Variants in GRID1 observed in about 807,000 individuals in gnomAD.
GRID1 encodes the protein glutamate ionotropic receptor delta type subunit 1.
A neutral mutation model predicts 98.0 loss-of-function variants in GRID1; 28 were observed. The ratio of observed to expected loss-of-function variants is 0.29; its 90% CI spans 0.21 to 0.39. The LOEUF (loss-of-function observed/expected upper bound fraction) is 0.39, where lower values mean the gene tolerates loss of function less well. Ranked by LOEUF, GRID1 falls within the 10% of genes least tolerant of loss-of-function variation. GRID1 has a pLI of 1.00. For synonymous variants in GRID1, 553 were observed against 538.5 expected (o/e 1.03, Z -0.37); for missense variants, 1,111 against 1,340.5 (o/e 0.83, Z 2.67).
chr10:85,927,891 A>G (rs1351082946), intron 4 of GRID1, among the ~76,000 whole-genome samples: 1 of 152,214 alleles, frequency 6.6e-6, no homozygotes, highest in African/African-American at 2.4e-5. Context: ...AAAAGTAGTT[A>G]CAATAGTCCA....
At chr10:85,696,488 A>G (rs1324002820) in intron 12 of GRID1, among the ~76,000 whole-genome samples, 1 of 152,146 alleles carries the variant, frequency 6.6e-6, no homozygotes, top group Admixed American at 6.6e-5. Context: ...CAAGGAGCAT[A>G]CAGAAGCTAC....
intron 12 of GRID1, among the ~76,000 whole-genome samples, chr10:85,696,990 G>A (rs1220844789): frequency 6.6e-6 from 1 of 151,898 alleles, no homozygotes; most frequent in African/African-American, 2.4e-5. Context: ...GATAGAACAT[G>A]TTATGTATGA....
At chr10:86,351,752 AC>A (rs1326112877) in intron 2 of GRID1, among the ~76,000 whole-genome samples, 1 of 152,190 alleles carries the variant, frequency 6.6e-6, no homozygotes, top group African/African-American at 2.4e-5. Flanking sequence ...AGCATCCAGA[AC>A]AAGCAGTGAC....
chr10:86,245,986 T>C (rs928969661), intron 2 of GRID1, among the ~76,000 whole-genome samples: 1 of 152,122 alleles, frequency 6.6e-6, no homozygotes, highest in Non-Finnish European at 1.5e-5. Context: ...CCCACCATGA[T>C]CCATACAAAA....
In GRID1 at chr10:86,350,233, T is replaced by G. The variant is rs573400426; in HGVS notation, c.235+13708A>C. On this transcript the variant is annotated intron_variant, in intron 2 of 15. Coordinates refer to ENST00000327946, the MANE Select transcript of GRID1 (RefSeq NM_017551.3). ...AGCTTTTGTCGGGGTCCTTGGGGAC[T>G]TGCAGCCCTGGCAAGGGGTCTGGAT... Among the ~76,000 whole-genome samples, 9 of 152,350 alleles carry G rather than the reference T, an allele frequency of 5.9e-5. No individual in the cohort carries two copies. The East Asian group carries it at 1.7e-3, about 29-fold the overall frequency.
At chr10:86,077,494 CT>C (rs1843899556) in intron 4 of GRID1, among the ~76,000 whole-genome samples, 1 of 152,202 alleles carries the variant, frequency 6.6e-6, no homozygotes, top group African/African-American at 2.4e-5. Context: ...TCGGTCCCAC[CT>C]AAACCTAGTG....
intron 2 of GRID1, among the ~76,000 whole-genome samples, chr10:86,227,388 G>A (rs1014529900): frequency 3.9e-5 from 6 of 152,152 alleles, no homozygotes; most frequent in African/African-American, 1.2e-4. Flanking sequence ...GTGGGGGGCT[G>A]CAGCCCCAGC....
chr10:85,658,226 C>A (rs1248079977), intron 12 of GRID1, among the ~76,000 whole-genome samples: 1 of 152,186 alleles, frequency 6.6e-6, no homozygotes, highest in Non-Finnish European at 1.5e-5. Context: ...TTCCTTCCCT[C>A]TTCTCCTTCC....
chr10:86,208,677 T>C (rs1846068104), intron 2 of GRID1, among the ~76,000 whole-genome samples: 1 of 152,238 alleles, frequency 6.6e-6, no homozygotes, highest in Admixed American at 6.5e-5. Context: ...ATGTTGCCTG[T>C]GTTACTGGCT....
chr10:85,944,954 C>G (rs550576291), intron 4 of GRID1, among the ~76,000 whole-genome samples: 1 of 152,114 alleles, frequency 6.6e-6, no homozygotes, highest in South Asian at 2.1e-4. Flanking sequence ...TTACTAATTT[C>G]TTTTATACAG....
intron 13 of GRID1, among the ~76,000 whole-genome samples, chr10:85,634,191 C>T (rs1843006794): frequency 6.9e-6 from 1 of 145,780 alleles, no homozygotes; most frequent in Non-Finnish European, 1.5e-5. Context: ...AAAAAGTTTA[C>T]CAGTAGAGGG....
intron 4 of GRID1, among the ~76,000 whole-genome samples, chr10:85,979,060 G>A (rs528242736): frequency 6.6e-6 from 1 of 152,180 alleles, no homozygotes; most frequent in Admixed American, 6.5e-5. Flanking sequence ...GGGGTGGGGG[G>A]CTCTAAAAGG....
chr10:85,985,059 T>C (rs1350739336), intron 4 of GRID1, among the ~76,000 whole-genome samples: 2 of 152,146 alleles, frequency 1.3e-5, no homozygotes, highest in African/African-American at 4.8e-5. Context: ...CTCTACCCAC[T>C]AGATGCCAGT....
At chr10:85,822,022 A>G (rs1168861848) in intron 8 of GRID1, among the ~76,000 whole-genome samples, 8 of 152,208 alleles carry the variant, frequency 5.3e-5, no homozygotes, top group Non-Finnish European at 1.0e-4. Flanking sequence ...CTTACACCTT[A>G]TACAAAAATT....
intron 2 of GRID1, among the ~76,000 whole-genome samples, chr10:86,333,841 G>T (rs1848185044): frequency 6.6e-6 from 1 of 152,102 alleles, no homozygotes; most frequent in South Asian, 2.1e-4. Flanking sequence ...TGAGGGGGAG[G>T]AATAAGAGGG....
chr10:85,919,682 C>A (rs1841674162), intron 4 of GRID1, among the ~76,000 whole-genome samples: 2 of 152,222 alleles, frequency 1.3e-5, no homozygotes, highest in Admixed American at 1.3e-4. Flanking sequence ...CAGGTGGAGG[C>A]AAGTCCTCCC....
intron 8 of GRID1, among the ~76,000 whole-genome samples, chr10:85,802,846 C>A (rs1310194782): frequency 2.2e-5 from 3 of 135,342 alleles, no homozygotes; most frequent in Admixed American, 7.3e-5. Flanking sequence ...TAAACACACA[C>A]ACACACACAC....
chr10:85,804,662 G>A (rs1842606439), intron 8 of GRID1, among the ~76,000 whole-genome samples: 1 of 151,634 alleles, frequency 6.6e-6, no homozygotes, highest in Non-Finnish European at 1.5e-5. Context: ...GAATTGCAAG[G>A]TTGTTTTACC....
intron 4 of GRID1, among the ~76,000 whole-genome samples, chr10:85,941,229 A>G (rs1841994319): frequency 6.6e-6 from 1 of 152,134 alleles, no homozygotes; most frequent in Non-Finnish European, 1.5e-5. Context: ...TCTCATCTGT[A>G]TTTAGAAATT....
Sources: allele counts gnomAD v4.1 joint callset (sites outside exome capture counted in the v4.1 genomes callset), GRCh38; gene constraint gnomAD v4.1.1; transcripts MANE v1.5; gene names NCBI Gene and HGNC (gene_info 2026-07-23, HGNC 2026-07-21).